SLC7A8: variants seen among roughly 807,000 people sequenced by gnomAD.
SLC7A8 encodes solute carrier family 7 member 8.
SLC7A8 carries 30 observed loss-of-function variants against 51.2 expected under a neutral mutation model. The ratio of observed to expected loss-of-function variants is 0.59; its 90% CI spans 0.44 to 0.80. The LOEUF (loss-of-function observed/expected upper bound fraction) is 0.80. SLC7A8 is among the 30% of genes least tolerant of loss of function. The probability of loss-of-function intolerance (pLI) is 0.00; values close to 1 mark genes in which losing one functional copy is unlikely to be tolerated. For synonymous variants in SLC7A8, 257 were observed against 275.8 expected (o/e 0.93, Z 0.67); for missense variants, 612 against 674.4 (o/e 0.91, Z 1.03).
intron 3 of SLC7A8, chr14:23,155,165 C>G: frequency 6.5e-6 from 10 of 1,535,948 alleles, no homozygotes; most frequent in Non-Finnish European, 8.7e-6. Context: ...GAAGCACTTA[C>G]AACGTTTTAG....
intron 2 of SLC7A8, 37 bp downstream of exon 2, chr14:23,166,299 T>A: frequency 6.3e-7 from 1 of 1,597,542 alleles, no homozygotes; most frequent in Non-Finnish European, 8.5e-7. Context: ...TTCCTCCTTT[T>A]CCCCTAGACC....
intron 1 of SLC7A8, among the ~76,000 whole-genome samples, chr14:23,178,129 A>G (rs1877003612): frequency 6.6e-6 from 1 of 152,186 alleles, no homozygotes; most frequent in Non-Finnish European, 1.5e-5. Flanking sequence ...CTACCAAATG[A>G]GTTACTGTGA....
chr14:23,160,317 A>G (rs1235488902), intron 3 of SLC7A8, among the ~76,000 whole-genome samples: 1 of 152,216 alleles, frequency 6.6e-6, no homozygotes, highest in Admixed American at 6.5e-5. Flanking sequence ...CACAGCTGTA[A>G]TCCCAGCACT....
rs1877254145 is a variant in SLC7A8, at chr14:23,182,981, T to C, written c.-67A>G. The stretch of plus-strand genomic sequence containing the variant: ...CTAAATGCGTATTCGTGTAAATATA[T>C]TGGGAGAGAGCTTTGAATTAGAACG... On this transcript the variant is annotated 5_prime_UTR_variant, in exon 1 of 11. Coordinates refer to ENST00000316902, the MANE Select transcript of SLC7A8 (RefSeq NM_012244.4). The C allele has an allele frequency of 2.5e-6, 4 of 1,601,866 alleles. No individual in the cohort carries two copies. Among genetic ancestry groups the C allele is most frequent in the East Asian group, 2.2e-5 (1 of 44,756 alleles).
chr14:23,131,997 CTAT>C (rs1273103117), intron 7 of SLC7A8, among the ~76,000 whole-genome samples: 11 of 139,204 alleles, frequency 7.9e-5, no homozygotes, highest in African/African-American at 2.7e-4. Context: ...TAAAAACACT[CTAT>C]TTTTTTTTTT....
intron 3 of SLC7A8, among the ~76,000 whole-genome samples, chr14:23,164,399 C>T (rs1258959644): frequency 6.6e-6 from 1 of 152,250 alleles, no homozygotes; most frequent in Non-Finnish European, 1.5e-5. Flanking sequence ...GGAGCCCTTG[C>T]ACTCCACGTG....
rs773887152 is a variant in SLC7A8, at chr14:23,182,877, T to C, written c.38A>G (p.Lys13Arg). The C allele has an allele frequency of 3.7e-6, 6 of 1,614,036 alleles. No individual in the cohort carries two copies. In the African/African-American group the frequency reaches 5.3e-5, roughly 14 times the overall value. The change falls in exon 1 of 11, where the codon AAG becomes AGG. Residue 13 changes from lysine (K) to arginine (R), a missense_variant. Physicochemically the swap from Lys to Arg is conservative, Grantham distance 26. Coordinates refer to ENST00000316902, the MANE Select transcript of SLC7A8 (RefSeq NM_012244.4). ...CGACTCGCCCCCACCTGGGTGTTTCTTTTCGGTGTTGTTTCGGTGCCTGGC... is the reference window on the plus strand; with the variant it reads ...CGACTCGCCCCCACCTGGGTGTTTCCTTTCGGTGTTGTTTCGGTGCCTGGC... ...EGARHRNNTE[K>R]KHPGGGESDA...
intron 1 of SLC7A8, among the ~76,000 whole-genome samples, chr14:23,167,055 GA>G (rs1310949293): frequency 6.6e-6 from 1 of 152,190 alleles, no homozygotes; most frequent in East Asian, 1.9e-4. Context: ...ATATTTTTTG[GA>G]CAGATTGCGG....
At chr14:23,139,213 T>C (rs1351715883) in intron 6 of SLC7A8, among the ~76,000 whole-genome samples, 1 of 152,184 alleles carries the variant, frequency 6.6e-6, no homozygotes, top group African/African-American at 2.4e-5. Context: ...GGTTCTGCCA[T>C]TGTAGCTGTT....
intron 5 of SLC7A8, among the ~76,000 whole-genome samples, chr14:23,140,021 C>G (rs983389519): frequency 1.3e-5 from 2 of 151,898 alleles, no homozygotes; most frequent in African/African-American, 4.8e-5. Context: ...CAAAACAAAA[C>G]AAAAGAAAAA....
At position 23,143,563 on chromosome 14, in the gene SLC7A8, T is replaced by G. The variant is rs887759256; in HGVS notation, c.509-359A>C. ...TGCAAGAGAAGCTGTGAGCAGCTGG[T>G]GGGAGTCAGGAAGCCACCTTCCTGA... is the stretch of plus-strand genomic sequence containing the variant. On this transcript the variant is annotated intron_variant, in intron 3 of 10. Coordinates refer to ENST00000316902, the MANE Select transcript of SLC7A8 (RefSeq NM_012244.4). Among the ~76,000 whole-genome samples, 3 of 152,298 alleles carry G rather than the reference T, an allele frequency of 2.0e-5. No homozygotes were observed. The South Asian group carries it at 6.2e-4, about 32-fold the overall frequency.
chr14:23,159,316 A>G (rs1023566294), intron 3 of SLC7A8, among the ~76,000 whole-genome samples: 2 of 152,256 alleles, frequency 1.3e-5, no homozygotes, highest in African/African-American at 2.4e-5. Flanking sequence ...CAAACTGTCC[A>G]TTGAGTAAAA....
At chr14:23,137,889 C>T (rs750771930) in intron 7 of SLC7A8, 32 bp downstream of exon 7, 65 of 1,609,518 alleles carry the variant, frequency 4.0e-5, no homozygotes, top group Non-Finnish European at 5.5e-5. Flanking sequence ...CAGAGTGGCC[C>T]CTGGCCGGGG....
intron 7 of SLC7A8, among the ~76,000 whole-genome samples, chr14:23,134,567 C>G (rs924904529): frequency 1.3e-5 from 2 of 150,078 alleles, no homozygotes; most frequent in Admixed American, 6.6e-5. Flanking sequence ...TTTATTTTTC[C>G]AATTTTTAGA....
At chr14:23,167,181 CTA>C (rs2048954529) in intron 1 of SLC7A8, among the ~76,000 whole-genome samples, 2 of 152,152 alleles carry the variant, frequency 1.3e-5, no homozygotes. Context: ...TAAAATAACT[CTA>C]TAAAAACAGT....
intron 3 of SLC7A8, among the ~76,000 whole-genome samples, chr14:23,151,089 C>T (rs534506812): frequency 3.9e-5 from 6 of 152,322 alleles, no homozygotes; most frequent in Non-Finnish European, 1.5e-5. Flanking sequence ...GGGAGGAACA[C>T]CCTGCAGAAA....
chr14:23,167,574 C>T (rs1263041761), intron 1 of SLC7A8, among the ~76,000 whole-genome samples: 1 of 152,048 alleles, frequency 6.6e-6, no homozygotes, highest in Non-Finnish European at 1.5e-5. Context: ...GTTACGCAGA[C>T]GAGGAGTAAG....
intron 3 of SLC7A8, chr14:23,155,189 C>G (rs1160919722): frequency 6.5e-7 from 1 of 1,535,988 alleles, no homozygotes; most frequent in Admixed American, 2.0e-5. Context: ...TCTCGGAACC[C>G]CCTCCAAAGG....
chr14:23,179,687 T>C (rs1248188311), intron 1 of SLC7A8, among the ~76,000 whole-genome samples: 2 of 151,928 alleles, frequency 1.3e-5, no homozygotes, highest in East Asian at 3.9e-4. Flanking sequence ...TGTATGCCTG[T>C]GGTCACAGCT....
Sources: gnomAD v4.1 joint callset for allele counts (sites outside exome capture counted in the v4.1 genomes callset) on GRCh38, gnomAD v4.1.1 for gene constraint, MANE v1.5 for transcripts, NCBI Gene and HGNC (gene_info 2026-07-23, HGNC 2026-07-21) for gene names.